The following SLC7A1 variants were observed in gnomAD, a reference collection of about 807,000 sequenced individuals.
The protein encoded by SLC7A1 is solute carrier family 7 member 1, also known as high affinity cationic amino acid transporter 1.
SLC7A1 carries 10 observed loss-of-function variants against 53.9 expected under a neutral mutation model. The observed-to-expected ratio is 0.19, with a 90% CI of 0.11 to 0.31. SLC7A1 has a LOEUF of 0.31. Ranked by LOEUF, SLC7A1 falls within the 10% of genes least tolerant of loss-of-function variation. The pLI is 1.00. For missense variants in SLC7A1, 525 were observed against 827.2 expected (o/e 0.63, Z 4.48); for synonymous variants, 342 against 338.7 (o/e 1.01, Z -0.11).
chr13:29,562,152 G>A (rs1023422139), intron 1 of SLC7A1, among the ~76,000 whole-genome samples: 5 of 152,090 alleles, frequency 3.3e-5, no homozygotes, highest in African/African-American at 9.7e-5. Flanking sequence ...CAATGATCAC[G>A]CCCTGTCCTT....
chr13:29,545,447 CTG>C (rs1448149481), intron 2 of SLC7A1, among the ~76,000 whole-genome samples: 1 of 152,140 alleles, frequency 6.6e-6, no homozygotes, highest in Non-Finnish European at 1.5e-5. Context: ...GTCAAGGTCT[CTG>C]TTTCTACGTG....
At chr13:29,567,251 G>A (rs1408653056) in intron 1 of SLC7A1, among the ~76,000 whole-genome samples, 10 of 151,970 alleles carry the variant, frequency 6.6e-5, no homozygotes, top group Non-Finnish European at 1.3e-4. Flanking sequence ...TGCCATACAC[G>A]TGGTTTTTAA....
intron 1 of SLC7A1, among the ~76,000 whole-genome samples, chr13:29,587,818 C>T (rs191377606): frequency 1.4e-4 from 22 of 152,308 alleles, no homozygotes; most frequent in Admixed American, 1.4e-3. Context: ...CAGCTCCAGA[C>T]AGGGGCCGGC....
chr13:29,521,226 T>C (rs543107288), intron 8 of SLC7A1, among the ~76,000 whole-genome samples: 3 of 152,358 alleles, frequency 2.0e-5, no homozygotes, highest in South Asian at 2.1e-4. Flanking sequence ...TGTTTTATTA[T>C]ACAATATTAA....
At chr13:29,590,590 G>C (rs1872068418) in intron 1 of SLC7A1, among the ~76,000 whole-genome samples, 2 of 152,142 alleles carry the variant, frequency 1.3e-5, no homozygotes. Flanking sequence ...CATCCAGGCA[G>C]TCAGAGCCAA....
chr13:29,516,898 T>C (rs1197095780), intron 11 of SLC7A1: 3 of 431,310 alleles, frequency 7.0e-6, no homozygotes, highest in African/African-American at 4.1e-5. Context: ...GCCTGTGTCA[T>C]GCAGGAAGGT....
At chr13:29,551,068 C>G (rs1870158954) in intron 2 of SLC7A1, among the ~76,000 whole-genome samples, 1 of 152,134 alleles carries the variant, frequency 6.6e-6, no homozygotes, top group South Asian at 2.1e-4. Context: ...CATTAAGTAG[C>G]TGTTATTTCA....
At chr13:29,531,420 A>T (rs547762092) in intron 4 of SLC7A1, among the ~76,000 whole-genome samples, 6 of 152,336 alleles carry the variant, frequency 3.9e-5, no homozygotes, top group African/African-American at 1.4e-4. Context: ...TGAAGAGGTC[A>T]TTCGGGTACT....
intron 1 of SLC7A1, among the ~76,000 whole-genome samples, chr13:29,566,683 G>A (rs1357858211): frequency 6.6e-6 from 1 of 152,138 alleles, no homozygotes; most frequent in Admixed American, 6.5e-5. Flanking sequence ...GAATTAGGGC[G>A]ATGGCTGCAT....
chr13:29,553,370 C>T (rs1870287617), intron 2 of SLC7A1, among the ~76,000 whole-genome samples: 1 of 152,164 alleles, frequency 6.6e-6, no homozygotes, highest in South Asian at 2.1e-4. Flanking sequence ...GCACGAGACA[C>T]AGCGCCCAAT....
rs1021061009 is a variant in SLC7A1 at position 29,514,305 on chromosome 13, G to C, written c.*175C>G. The C allele has an allele frequency of 3.4e-6, 2 of 596,622 alleles. No homozygotes were observed. Among genetic ancestry groups the C allele is most frequent in the African/African-American group, 3.7e-5 (2 of 53,968 alleles). 37.0% of individuals were successfully genotyped at this position (596,622 alleles called of 1,614,324 possible). A position where few individuals can be genotyped will look rare whatever the true frequency, so the allele number is the denominator to read the frequency against. ...GGAGGTGACCAGGGCCCGGAGAACC[G>C]GCTGCAGAGCCGAGGGTGGGCTGGG... On this transcript the variant is annotated 3_prime_UTR_variant, in exon 13 of 13. Transcript: ENST00000380752.
chr13:29,516,348 C>T, intron 11 of SLC7A1, 102 bp from the exon 12 acceptor site: 1 of 745,214 alleles, frequency 1.3e-6, no homozygotes, highest in Non-Finnish European at 2.3e-6. Context: ...GTGACAGGGA[C>T]CGTCGGGCGA....
intron 8 of SLC7A1, among the ~76,000 whole-genome samples, chr13:29,519,954 T>C (rs1868551478): frequency 6.6e-6 from 1 of 152,032 alleles, no homozygotes; most frequent in Non-Finnish European, 1.5e-5. Flanking sequence ...CTGTGTGTCT[T>C]CCTCTAGACC....
At chr13:29,576,430 T>G (rs1406680149) in intron 1 of SLC7A1, among the ~76,000 whole-genome samples, 2 of 152,112 alleles carry the variant, frequency 1.3e-5, no homozygotes, top group Non-Finnish European at 2.9e-5. Context: ...GACATGGTGT[T>G]GAAATTGGGA....
chr13:29,580,271 TC>T (rs1213916667), intron 1 of SLC7A1, among the ~76,000 whole-genome samples: 1 of 152,092 alleles, frequency 6.6e-6, no homozygotes, highest in African/African-American at 2.4e-5. Flanking sequence ...GTGTGATAAG[TC>T]CCCAGGAGGA....
Position 29,522,547 on chromosome 13 carries a change from G to A in SLC7A1, c.1050-91C>T, listed in dbSNP as rs182805207. The A allele has an allele frequency of 2.0e-5, 29 of 1,418,278 alleles. 1 individual carries two copies. The East Asian group carries it at 6.8e-4, about 33-fold the overall frequency. The allele number at this position is 1,418,278 out of a possible 1,614,324, so 87.9% of individuals were successfully genotyped here. A position where few individuals can be genotyped will look rare whatever the true frequency, so the allele number is the denominator to read the frequency against. On this transcript the variant is annotated intron_variant, in intron 7 of 12. Transcript: ENST00000380752. Reference sequence around the variant, plus strand: ...GCCATGCTCGGTTTACCACGGAGGAGAGGGAGTCTGAGCTCACCAAGAGCT... The same window carrying A: ...GCCATGCTCGGTTTACCACGGAGGAAAGGGAGTCTGAGCTCACCAAGAGCT...
chr13:29,537,121 C>T (rs1593551765), intron 2 of SLC7A1, among the ~76,000 whole-genome samples: 1 of 152,188 alleles, frequency 6.6e-6, no homozygotes, highest in East Asian at 1.9e-4. Context: ...GAGCTTTGCT[C>T]CCCACATCTG....
At position 29,539,976 on chromosome 13, in the gene SLC7A1, T is replaced by C. The variant is rs75960262; in HGVS notation, c.-14-3774A>G. Reference sequence around the variant, plus strand: ...TGGGTTTATTTTAAGAAATATCCTGTCTCCTTGGAAGTAATGCAAAAACCT... The same window carrying C: ...TGGGTTTATTTTAAGAAATATCCTGCCTCCTTGGAAGTAATGCAAAAACCT... On this transcript the variant is annotated intron_variant, in intron 2 of 12. Transcript: ENST00000380752. Among the ~76,000 whole-genome samples, 660 of 152,260 alleles carry C rather than the reference T, an allele frequency of 4.3e-3. 5 individuals are homozygous for C. Among genetic ancestry groups the C allele is most frequent in the African/African-American group, 0.015 (603 of 41,554 alleles).
Position 29,536,042 on chromosome 13 carries a change from A to T in SLC7A1, c.147T>A (p.Gly49=). The T allele has an allele frequency of 6.2e-7, 1 of 1,613,984 alleles. No individual in the cohort carries two copies. Among genetic ancestry groups the T allele is most frequent in the Non-Finnish European group, 8.5e-7 (1 of 1,180,032 alleles). ...CCACAGCTCCAGCCAGGACGTAGAC[A>T]CCAGCACCCAGTGTGCTGCCCACCC... ...ALGVGSTLGA[G]VYVLAGAVAR... is the part of the protein sequence containing the mutation. The change falls in exon 3 of 13, where the codon GGT becomes GGA. Residue 49 remains glycine (G), a synonymous_variant. Transcript: ENST00000380752.
Sources: gnomAD v4.1 joint callset for allele counts (sites outside exome capture counted in the v4.1 genomes callset) on GRCh38, gnomAD v4.1.1 for gene constraint, MANE v1.5 for transcripts, NCBI Gene and HGNC (gene_info 2026-07-23, HGNC 2026-07-21) for gene names.